Variants in DSG4 observed in about 807,000 individuals in gnomAD.
The protein encoded by DSG4 is desmoglein 4.
In DSG4, 87 loss-of-function variants were observed where a neutral mutation model predicts 93.1. That is an observed-to-expected ratio of 0.93 (90% CI 0.79 to 1.12). The LOEUF is 1.12. Ranked by LOEUF, DSG4 falls within the 50% of genes most tolerant of loss-of-function variation. The pLI is 0.00. For synonymous variants in DSG4, 432 were observed against 452.9 expected, an observed-to-expected ratio of 0.95 and a Z score of 0.59; for missense variants, 1,373 against 1,285.7, an observed-to-expected ratio of 1.07 and a Z score of -1.04.
chr18:31,382,089 C>A (rs540962270), intron 1 of DSG4, among the ~76,000 whole-genome samples: 1 of 152,286 alleles, frequency 6.6e-6, no homozygotes, highest in East Asian at 1.9e-4. Context: ...CCGTCATCAA[C>A]CAGGCCCACA....
chr18:31,399,689 A>G lies in DSG4; in HGVS notation c.1277+146A>G, dbSNP rs1318513125. The G allele has an allele frequency of 1.3e-5, 14 of 1,097,132 alleles. No homozygotes were observed. In the East Asian group the frequency reaches 3.0e-4, roughly 24 times the overall value. The allele number at this position is 1,097,132 out of a possible 1,614,324, so 68.0% of individuals were successfully genotyped here. Reference sequence around the variant, plus strand: ...ATTTAAAAGACTATTAGAGCATTTGAAATCTTAGAATTTTAAGTGTTTTAG... The same window carrying G: ...ATTTAAAAGACTATTAGAGCATTTGGAATCTTAGAATTTTAAGTGTTTTAG... On this transcript the variant is annotated intron_variant, in intron 9 of 15. Coordinates refer to ENST00000308128, the MANE Select transcript of DSG4 (RefSeq NM_177986.5).
intron 1 of DSG4, among the ~76,000 whole-genome samples, chr18:31,378,582 A>T (rs1395552540): frequency 6.6e-6 from 1 of 152,020 alleles, no homozygotes; most frequent in African/African-American, 2.4e-5. Context: ...GTATTTATTT[A>T]TTTTCCTTGG....
chr18:31,399,305 C>T lies in DSG4; in HGVS notation c.1039C>T (p.Leu347Phe). 1.9e-6 allele frequency: 3 copies of T among 1,614,006 alleles called. No homozygotes were observed. In the South Asian group the frequency reaches 3.3e-5, roughly 18 times the overall value. Residue 347 changes from leucine to phenylalanine, a missense_variant, in exon 9 of 16, where the codon CTT (leucine) becomes TTT (phenylalanine). Coordinates refer to ENST00000308128, the MANE Select transcript of DSG4 (RefSeq NM_177986.5). Reference sequence around the variant, plus strand: ...TTATGAACAAGCACCTAACATTCAGCTTAGTATCGGAGTTAAAAACCAAGC... The same window carrying T: ...TTATGAACAAGCACCTAACATTCAGTTTAGTATCGGAGTTAAAAACCAAGC... Reference protein sequence around the residue: ...LDYEQAPNIQLSIGVKNQADF... With the variant: ...LDYEQAPNIQFSIGVKNQADF...
At chr18:31,381,128 T>C (rs962444711) in intron 1 of DSG4, among the ~76,000 whole-genome samples, 6 of 152,194 alleles carry the variant, frequency 3.9e-5, no homozygotes, top group African/African-American at 1.4e-4. Flanking sequence ...AATGAATGGA[T>C]TTAGTTTCTA....
rs780406147 is a variant in DSG4 at position 31,413,634 on chromosome 18, C to T, written c.*39C>T. On this transcript the variant is annotated 3_prime_UTR_variant, in exon 16 of 16. Coordinates refer to ENST00000308128, the MANE Select transcript of DSG4 (RefSeq NM_177986.5). ...AGTATTCTATGTGGAGACCTTGCAC[C>T]TTGTAATCATCAATACATCCACCAA... The T allele has an allele frequency of 2.2e-5, 36 of 1,603,682 alleles. 1 individual carries two copies. In the East Asian group the frequency reaches 2.9e-4, roughly 13 times the overall value.
chr18:31,393,123 T>C (rs1403098180), intron 8 of DSG4, among the ~76,000 whole-genome samples: 2 of 152,046 alleles, frequency 1.3e-5, no homozygotes, highest in Non-Finnish European at 2.9e-5. Context: ...ATGAGGGAAA[T>C]TGTTATTTTT....
intron 11 of DSG4, among the ~76,000 whole-genome samples, chr18:31,405,269 C>T (rs2072412066): frequency 6.6e-6 from 1 of 152,040 alleles, no homozygotes; most frequent in African/African-American, 2.4e-5. Context: ...AATTCATAGG[C>T]AATGATAGCA....
chr18:31,409,374 C>T, intron 12 of DSG4, 78 bp from the exon 13 acceptor site: 1 of 1,603,460 alleles, frequency 6.2e-7, no homozygotes, highest in Non-Finnish European at 8.5e-7. Flanking sequence ...CCACCAAATG[C>T]TCCCCAGAAT....
At chr18:31,391,331 A>T in intron 7 of DSG4, 119 bp downstream of exon 7, 1 of 1,399,274 alleles carries the variant, frequency 7.1e-7, no homozygotes, top group Non-Finnish European at 1.0e-6. Context: ...GGACATACTC[A>T]ACTTTGTTAT....
rs575645022 is a variant in DSG4, at chr18:31,377,868, G to A, written c.48+909G>A. 6.0e-4 allele frequency among the ~76,000 whole-genome samples: 91 copies of A among 152,284 alleles called. 1 individual carries two copies. The highest frequency in any genetic ancestry group is 1.8e-3 in the African/African-American group (75 of 41,572). The stretch of plus-strand genomic sequence containing the variant: ...ATCTCCCAGGAGTATCCAGGTTAGC[G>A]CTACAACCTAAGCTTAGAAAGTGAT... On this transcript the variant is annotated intron_variant, in intron 1 of 15. Coordinates refer to ENST00000308128, the MANE Select transcript of DSG4 (RefSeq NM_177986.5).
chr18:31,387,942 C>T (rs142418042), intron 3 of DSG4, among the ~76,000 whole-genome samples: 1 of 152,098 alleles, frequency 6.6e-6, no homozygotes, highest in South Asian at 2.1e-4. Flanking sequence ...CTGATATTCT[C>T]AACTTATCTA....
intron 11 of DSG4, among the ~76,000 whole-genome samples, chr18:31,405,258 A>G (rs921350427): frequency 6.6e-6 from 1 of 152,250 alleles, no homozygotes; most frequent in Non-Finnish European, 1.5e-5. Context: ...TGTTTTATGA[A>G]AATTCATAGG....
At chr18:31,391,274 C>T in intron 7 of DSG4, 62 bp downstream of exon 7, 5 of 1,600,846 alleles carry the variant, frequency 3.1e-6, no homozygotes, top group Middle Eastern at 1.7e-4. Flanking sequence ...GCATAAGTGT[C>T]AATAATCAAT....
At chr18:31,408,856 G>A (rs1180973106) in intron 12 of DSG4, among the ~76,000 whole-genome samples, 4 of 152,158 alleles carry the variant, frequency 2.6e-5, no homozygotes, top group African/African-American at 9.7e-5. Flanking sequence ...GAATTGAGGT[G>A]ATTATTAGGG....
intron 4 of DSG4, 94 bp downstream of exon 4, chr18:31,388,616 AACATGGCAGACTGAACCCAAATAGAAG>A: frequency 6.6e-7 from 1 of 1,526,668 alleles, no homozygotes; most frequent in Non-Finnish European, 8.9e-7. Flanking sequence ...CTTTTGATAA[AACATGGCAGACTGAACCCAAATAGAAG>A]ACTTGAAGGA....
Position 31,406,026 on chromosome 18 carries a change from A to G in DSG4, c.1637-51A>G, listed in dbSNP as rs1037813544. ...ATTAGGGAGAGTTAACCACCCCCCT[A>G]GCCCACCAAGGAATTTCCATTTATT... On this transcript the variant is annotated intron_variant, in intron 11 of 15. Transcript: ENST00000308128. 6.2e-6 allele frequency: 10 copies of G among 1,609,438 alleles called. No individual in the cohort carries two copies. The Admixed American group carries it at 1.0e-4, about 16-fold the overall frequency.
chr18:31,385,065 A>G (rs2072172771), intron 1 of DSG4, 71 bp from the exon 2 acceptor site: 1 of 1,245,708 alleles, frequency 8.0e-7, no homozygotes, highest in Non-Finnish European at 1.2e-6. Flanking sequence ...GAATATTGTC[A>G]ATGTTTTTAT....
At position 31,397,636 on chromosome 18, in the gene DSG4, A is replaced by G. The variant is rs577995080; in HGVS notation, c.1006-1636A>G. ...ACACATGTTGGTATATTTTCATCAC[A>G]CTCTGTTCAATGGGGAGAGAACTAT... is the stretch of plus-strand genomic sequence containing the variant. On this transcript the variant is annotated intron_variant, in intron 8 of 15. Transcript: ENST00000308128. Among the ~76,000 whole-genome samples, 318 of 152,216 alleles carry G rather than the reference A, an allele frequency of 2.1e-3. 2 individuals are homozygous for G. The Middle Eastern group carries it at 0.031, about 15-fold the overall frequency.
chr18:31,390,805 A>G lies in DSG4; in HGVS notation c.667A>G (p.Ser223Gly). The stretch of plus-strand genomic sequence containing the variant: ...CACTGGAGAAGTCTGCACCATGTCC[A>G]GTTTCTTGGACAGAGAGGTAAAGCC... The part of the protein sequence containing the change: ...RYTGEVCTMS[S>G]FLDREQHSMY... Residue 223 changes from serine (S) to glycine (G), a missense_variant, in exon 6 of 16, where the codon AGT becomes GGT. Transcript: ENST00000308128. 6.2e-7 allele frequency: 1 copy of G among 1,613,588 alleles called. No homozygotes were observed. Among genetic ancestry groups the G allele is most frequent in the Non-Finnish European group, 8.5e-7 (1 of 1,179,704 alleles).
Sources: gnomAD v4.1 joint callset for allele counts (sites outside exome capture counted in the v4.1 genomes callset) on GRCh38, gnomAD v4.1.1 for gene constraint, MANE v1.5 for transcripts, NCBI Gene and HGNC (gene_info 2026-07-23, HGNC 2026-07-21) for gene names.